The following BRINP3 variants were observed in gnomAD, a reference collection of about 807,000 sequenced individuals.
The protein encoded by BRINP3 is BMP/retinoic acid-inducible neural-specific protein 3.
A neutral mutation model predicts 71.0 loss-of-function variants in BRINP3; 19 were observed. That is an observed-to-expected ratio of 0.27 (90% confidence interval 0.19 to 0.39). The LOEUF is 0.39. Among genes scored for constraint, BRINP3 ranks in the 10% least tolerant of loss-of-function variants. The pLI, the probability that BRINP3 is intolerant of heterozygous loss-of-function variation, is 1.00. For missense variants in BRINP3, 959 were observed against 940.8 expected (o/e 1.02, Z -0.25); for synonymous variants, 380 against 337.7 (o/e 1.13, Z -1.37).
chr1:190,367,865 C>G (rs540586728), intron 2 of BRINP3, among the ~76,000 whole-genome samples: 10 of 152,256 alleles, frequency 6.6e-5, no homozygotes, highest in South Asian at 4.2e-4. Context: ...TGGTCAAAGC[C>G]ATTCAACAAT....
chr1:190,477,271 TG>T (rs773156571), intron 1 of BRINP3, among the ~76,000 whole-genome samples, 176 bp downstream of exon 1: 66 of 152,174 alleles, frequency 4.3e-4, no homozygotes, highest in Admixed American at 9.2e-4. Flanking sequence ...ATACATTACA[TG>T]GGTTATGTCT....
rs1204824971 is a variant in BRINP3, at chr1:190,395,118, AT to A, written c.236+59536del. Among the ~76,000 whole-genome samples the A allele has an allele frequency of 2.6e-5, 4 of 151,796 alleles. No homozygotes were observed. In the South Asian group the frequency reaches 8.3e-4, roughly 31 times the overall value. ...CAGGCAGCTATTTATTTCTCATATC[AT>A]TTTTGCCTGTGGTTATTGTTTACTC... On this transcript the variant is annotated intron_variant, in intron 2 of 7. Transcript: ENST00000367462.
chr1:190,295,820 C>G (rs547340429), intron 2 of BRINP3, among the ~76,000 whole-genome samples: 1 of 152,250 alleles, frequency 6.6e-6, no homozygotes, highest in Non-Finnish European at 1.5e-5. Flanking sequence ...TCCCTGGTAT[C>G]AAGAAGGGGT....
At chr1:190,106,398 C>T (rs1652167965) in intron 7 of BRINP3, among the ~76,000 whole-genome samples, 1 of 151,500 alleles carries the variant, frequency 6.6e-6, no homozygotes, top group Non-Finnish European at 1.5e-5. Context: ...ACCTTTATTG[C>T]TCTTAAAATC....
chr1:190,161,078 AT>A (rs1657316086), intron 6 of BRINP3, among the ~76,000 whole-genome samples, 188 bp from the exon 7 acceptor site: 1 of 152,154 alleles, frequency 6.6e-6, no homozygotes, highest in Non-Finnish European at 1.5e-5. Flanking sequence ...CTTTAGAATT[AT>A]CTTCTTTGCT....
At chr1:190,227,504 G>A (rs1657509085) in intron 5 of BRINP3, among the ~76,000 whole-genome samples, 2 of 151,852 alleles carry the variant, frequency 1.3e-5, no homozygotes, top group South Asian at 2.1e-4. Flanking sequence ...AAATTTATTT[G>A]TCACAGAGAT....
intron 2 of BRINP3, among the ~76,000 whole-genome samples, chr1:190,321,057 C>T (rs1666206322): frequency 6.6e-6 from 1 of 151,788 alleles, no homozygotes; most frequent in Non-Finnish European, 1.5e-5. Context: ...AAATAAGAGA[C>T]AGATGTTAAG....
intron 7 of BRINP3, among the ~76,000 whole-genome samples, chr1:190,106,657 CAT>C (rs1204922841): frequency 1.3e-5 from 2 of 151,252 alleles, no homozygotes; most frequent in South Asian, 2.1e-4. Flanking sequence ...TTTTTAAAAA[CAT>C]ATATTTATTT....
At chr1:190,104,743 T>C (rs1432178471) in intron 7 of BRINP3, among the ~76,000 whole-genome samples, 1 of 152,070 alleles carries the variant, frequency 6.6e-6, no homozygotes, top group Admixed American at 6.6e-5. Flanking sequence ...TGTAACGCTT[T>C]TCACTGAAGT....
At chr1:190,332,476 T>C (rs1174449400) in intron 2 of BRINP3, among the ~76,000 whole-genome samples, 1 of 152,050 alleles carries the variant, frequency 6.6e-6, no homozygotes, top group Non-Finnish European at 1.5e-5. Context: ...GGATTTCAAA[T>C]ACCTGTTCAC....
At chr1:190,451,534 A>T (rs971019732) in intron 2 of BRINP3, among the ~76,000 whole-genome samples, 2 of 152,192 alleles carry the variant, frequency 1.3e-5, no homozygotes, top group Non-Finnish European at 2.9e-5. Flanking sequence ...AAATTTCTCC[A>T]GGAATAGCTC....
intron 7 of BRINP3, among the ~76,000 whole-genome samples, chr1:190,148,891 C>G (rs1279915181): frequency 6.6e-6 from 1 of 152,102 alleles, no homozygotes; most frequent in Non-Finnish European, 1.5e-5. Flanking sequence ...AGGACACCTT[C>G]TTTAACAAAC....
At chr1:190,445,713 A>C (rs983812359) in intron 2 of BRINP3, among the ~76,000 whole-genome samples, 1 of 152,100 alleles carries the variant, frequency 6.6e-6, no homozygotes, top group Admixed American at 6.6e-5. Flanking sequence ...TTAGCAATTC[A>C]AAAGCTCCAG....
intron 4 of BRINP3, among the ~76,000 whole-genome samples, chr1:190,247,501 A>G (rs1304835519): frequency 1.3e-5 from 2 of 151,870 alleles, no homozygotes; most frequent in East Asian, 1.9e-4. Flanking sequence ...TACTTATTGG[A>G]TTTTTGAAAA....
chr1:190,287,845 T>A (rs1186017313), intron 2 of BRINP3, among the ~76,000 whole-genome samples: 2 of 151,450 alleles, frequency 1.3e-5, no homozygotes, highest in East Asian at 3.9e-4. Flanking sequence ...TTTTAAAATA[T>A]GTTATATTTT....
At chr1:190,241,206 C>T (rs1279798350) in intron 4 of BRINP3, among the ~76,000 whole-genome samples, 3 of 151,972 alleles carry the variant, frequency 2.0e-5, no homozygotes, top group African/African-American at 7.2e-5. Flanking sequence ...GTAGAAGAGA[C>T]AATATATCTA....
chr1:190,234,816 T>A (rs1658363198), intron 4 of BRINP3, among the ~76,000 whole-genome samples: 1 of 152,148 alleles, frequency 6.6e-6, no homozygotes, highest in African/African-American at 2.4e-5. Context: ...CTGACTTATA[T>A]GAGAATTGTT....
At chr1:190,355,782 T>A (rs1668688509) in intron 2 of BRINP3, among the ~76,000 whole-genome samples, 1 of 151,964 alleles carries the variant, frequency 6.6e-6, no homozygotes, top group African/African-American at 2.4e-5. Context: ...ATTTATTTGC[T>A]GCTCCTCCTG....
rs181832631 is a variant in BRINP3, at chr1:190,212,615, T to C, written c.961+13467A>G. 1.1e-3 allele frequency among the ~76,000 whole-genome samples: 161 copies of C among 152,258 alleles called. 1 individual carries two copies. The highest frequency in any genetic ancestry group is 1.8e-4 in the Non-Finnish European group (12 of 68,000). Reference sequence around the variant, plus strand: ...AACTGTTTGCAAATATTCTGAATCATCTTCTCCTCCAGGCAATGTGAAGTG... The same window carrying C: ...AACTGTTTGCAAATATTCTGAATCACCTTCTCCTCCAGGCAATGTGAAGTG... On this transcript the variant is annotated intron_variant, in intron 6 of 7. Coordinates refer to ENST00000367462, the MANE Select transcript of BRINP3 (RefSeq NM_199051.3).
Sources: allele counts gnomAD v4.1 joint callset (sites outside exome capture counted in the v4.1 genomes callset), GRCh38; gene constraint gnomAD v4.1.1; transcripts MANE v1.5; gene names NCBI Gene and HGNC (gene_info 2026-07-23, HGNC 2026-07-21).